Variants in MACROD2 observed in about 807,000 individuals in gnomAD.
MACROD2 encodes the protein mono-ADP ribosylhydrolase 2.
In MACROD2, 36 loss-of-function variants were observed where a neutral mutation model predicts 70.4. That is an observed-to-expected ratio of 0.51 (90% CI 0.39 to 0.68). The LOEUF (loss-of-function observed/expected upper bound fraction) is 0.68. MACROD2 is among the 30% of genes least tolerant of loss of function. The probability of loss-of-function intolerance (pLI) is 0.00; values close to 1 mark genes in which losing one functional copy is unlikely to be tolerated. For synonymous variants in MACROD2, 172 were observed against 178.8 expected (o/e 0.96, Z 0.30); for missense variants, 496 against 538.4 (o/e 0.92, Z 0.78).
At chr20:14,203,267 A>C (rs1218660778) in intron 3 of MACROD2, among the ~76,000 whole-genome samples, 1 of 151,976 alleles carries the variant, frequency 6.6e-6, no homozygotes, top group African/African-American at 2.4e-5. Flanking sequence ...TCTTTATTGA[A>C]TTTCTTATTC....
intron 8 of MACROD2, among the ~76,000 whole-genome samples, chr20:15,547,132 A>G (rs1346638819): frequency 6.6e-6 from 1 of 152,212 alleles, no homozygotes; most frequent in South Asian, 2.1e-4. Flanking sequence ...CTTAAAGCCC[A>G]TTAGTGTGGC....
intron 5 of MACROD2, among the ~76,000 whole-genome samples, chr20:15,155,382 C>G (rs1404758039): frequency 6.6e-6 from 1 of 152,204 alleles, no homozygotes; most frequent in Non-Finnish European, 1.5e-5. Context: ...CCTTTATACT[C>G]TAGTGGGACC....
intron 12 of MACROD2, among the ~76,000 whole-genome samples, chr20:15,957,483 AC>A (rs1351228059): frequency 6.6e-6 from 1 of 152,050 alleles, no homozygotes. Context: ...AACATACATA[AC>A]CTTGATGCTC....
chr20:15,915,910 C>T (rs2065307602), intron 10 of MACROD2, among the ~76,000 whole-genome samples: 1 of 151,924 alleles, frequency 6.6e-6, no homozygotes, highest in African/African-American at 2.4e-5. Flanking sequence ...GAAGGAAATC[C>T]CCCGTTATGG....
chr20:14,742,666 T>C (rs1472203619), intron 5 of MACROD2, among the ~76,000 whole-genome samples: 4 of 152,016 alleles, frequency 2.6e-5, no homozygotes, highest in Non-Finnish European at 4.4e-5. Context: ...TTCCTAGCCC[T>C]GGACACTAAT....
At chr20:14,367,404 G>C (rs1036553586) in intron 3 of MACROD2, among the ~76,000 whole-genome samples, 1 of 152,132 alleles carries the variant, frequency 6.6e-6, no homozygotes. Flanking sequence ...TTGCTGCCTA[G>C]TATCCTTTTT....
At chr20:14,205,716 G>A (rs972945014) in intron 3 of MACROD2, among the ~76,000 whole-genome samples, 2 of 152,158 alleles carry the variant, frequency 1.3e-5, no homozygotes, top group African/African-American at 4.8e-5. Context: ...TCTGCCTCCT[G>A]TCTCTGTCAC....
At chr20:14,273,195 T>C (rs959794895) in intron 3 of MACROD2, among the ~76,000 whole-genome samples, 2 of 152,160 alleles carry the variant, frequency 1.3e-5, no homozygotes, top group African/African-American at 2.4e-5. Context: ...ATGTACATTT[T>C]TTTCAGCACC....
intron 4 of MACROD2, among the ~76,000 whole-genome samples, chr20:14,617,246 T>C (rs1473363730): frequency 6.6e-6 from 1 of 152,128 alleles, no homozygotes; most frequent in Admixed American, 6.6e-5. Context: ...ACATAGTTCT[T>C]TGAAATGATT....
At chr20:14,020,696 G>A (rs956524904) in intron 2 of MACROD2, among the ~76,000 whole-genome samples, 2 of 152,124 alleles carry the variant, frequency 1.3e-5, no homozygotes, top group Non-Finnish European at 2.9e-5. Flanking sequence ...GGCTGTAGTA[G>A]TCCATTTGTC....
chr20:15,866,244 TAGCTG>T (rs2064491725), intron 9 of MACROD2, among the ~76,000 whole-genome samples: 1 of 151,928 alleles, frequency 6.6e-6, no homozygotes, highest in Non-Finnish European at 1.5e-5. Flanking sequence ...AAATAAAAAT[TAGCTG>T]AGAGTGGTGG....
At chr20:15,335,515 T>A (rs997204814) in intron 6 of MACROD2, among the ~76,000 whole-genome samples, 1 of 151,606 alleles carries the variant, frequency 6.6e-6, no homozygotes, top group Non-Finnish European at 1.5e-5. Flanking sequence ...CACATTTTAT[T>A]GTTTTGTGTT....
At chr20:15,374,679 A>C (rs969177315) in intron 6 of MACROD2, among the ~76,000 whole-genome samples, 1 of 152,212 alleles carries the variant, frequency 6.6e-6, no homozygotes, top group Non-Finnish European at 1.5e-5. Flanking sequence ...AGCAAGAAAG[A>C]GATGTTTTCA....
At chr20:14,660,906 A>G (rs760511609) in intron 4 of MACROD2, among the ~76,000 whole-genome samples, 1 of 151,946 alleles carries the variant, frequency 6.6e-6, no homozygotes, top group Non-Finnish European at 1.5e-5. Flanking sequence ...ATGGCTGTGT[A>G]GTATTCCATG....
chr20:14,770,058 A>G (rs1388005753), intron 5 of MACROD2, among the ~76,000 whole-genome samples: 1 of 152,044 alleles, frequency 6.6e-6, no homozygotes, highest in African/African-American at 2.4e-5. Flanking sequence ...TGCAAATAGT[A>G]TGAATATGTG....
chr20:14,416,625 G>T (rs1301818158), intron 3 of MACROD2, among the ~76,000 whole-genome samples: 2 of 152,192 alleles, frequency 1.3e-5, no homozygotes, highest in Admixed American at 6.5e-5. Flanking sequence ...ATTGTAGGAA[G>T]CATCCTGTTA....
chr20:15,738,328 A>G (rs1483716894), intron 8 of MACROD2, among the ~76,000 whole-genome samples: 2 of 152,304 alleles, frequency 1.3e-5, no homozygotes, highest in East Asian at 3.9e-4. Context: ...CCTACTATGT[A>G]AAAAAGAAAG....
intron 15 of MACROD2, among the ~76,000 whole-genome samples, chr20:16,021,094 T>G (rs924898669): frequency 6.6e-6 from 1 of 152,112 alleles, no homozygotes; most frequent in African/African-American, 2.4e-5. Context: ...GGTGGGCAAA[T>G]TTTTAATAGA....
chr20:15,466,284 T>C (rs2046887148), intron 7 of MACROD2, among the ~76,000 whole-genome samples: 1 of 152,254 alleles, frequency 6.6e-6, no homozygotes, highest in Non-Finnish European at 1.5e-5. Context: ...CTGGCATTGT[T>C]AACATATACA....
Sources: allele counts gnomAD v4.1 joint callset (sites outside exome capture counted in the v4.1 genomes callset), GRCh38; gene constraint gnomAD v4.1.1; transcripts MANE v1.5; gene names NCBI Gene and HGNC (gene_info 2026-07-23, HGNC 2026-07-21).